Variants in FGF10 observed in about 807,000 individuals in gnomAD.
FGF10 encodes the protein fibroblast growth factor 10, also known as FGF-10.
FGF10 carries 2 observed loss-of-function variants against 19.8 expected under a neutral mutation model. The ratio of observed to expected loss-of-function variants is 0.10; its 90% CI spans 0.04 to 0.32. The LOEUF is 0.32. Among genes scored for constraint, FGF10 ranks in the 10% least tolerant of loss-of-function variants. The pLI is 1.00. For synonymous variants in FGF10, 112 were observed against 94.0 expected (o/e 1.19, Z -1.10); for missense variants, 191 against 246.3 (o/e 0.78, Z 1.50).
chr5:44,358,872 A>G (rs1741411510), intron 1 of FGF10, among the ~76,000 whole-genome samples: 3 of 151,704 alleles, frequency 2.0e-5, no homozygotes, highest in Admixed American at 1.3e-4. Flanking sequence ...TAAAATTGAT[A>G]CATCTACTTT....
chr5:44,388,605 CA>C lies in FGF10; in HGVS notation c.77del (p.Leu26CysfsTer88). On this transcript the variant is annotated frameshift_variant, in exon 1 of 3. Coordinates refer to ENST00000264664, the MANE Select transcript of FGF10 (RefSeq NM_004465.2). LOFTEE classifies it high-confidence loss of function. ...LPGCCCCCFL[L>X]LFLVSSVPVT... The stretch of plus-strand genomic sequence containing the variant: ...CAGGGACGGAAGACACCAAGAACAG[CA>C]ACAAAAAGCAGCAGCAGCAGCAGCC... 6.2e-7 allele frequency: 1 copy of C among 1,614,064 alleles called. No homozygotes were observed. Among genetic ancestry groups the C allele is most frequent in the Non-Finnish European group, 8.5e-7 (1 of 1,180,006 alleles).
At chr5:44,310,285 G>T (rs892313204) in intron 2 of FGF10, 142 bp downstream of exon 2, 4 of 664,750 alleles carry the variant, frequency 6.0e-6, no homozygotes, top group Middle Eastern at 2.5e-4. Context: ...GCCAGCCCTT[G>T]AAACAGTGGT....
chr5:44,300,536 C>A lies in FGF10; in HGVS notation c.*4459G>T, dbSNP rs1224099416. Among the ~76,000 whole-genome samples the A allele has an allele frequency of 6.6e-6, 1 of 152,072 alleles. No homozygotes were observed. Among genetic ancestry groups the A allele is most frequent in the East Asian group, 1.9e-4 (1 of 5,196 alleles). ...ACAAAACAATGCAAATGTAATCTTT[C>A]AATGGTAAAGAACATATGAAAGAGA... On this transcript the variant is annotated 3_prime_UTR_variant, in exon 3 of 3. Transcript: ENST00000264664.
intron 1 of FGF10, among the ~76,000 whole-genome samples, chr5:44,383,781 T>C (rs1020620438): frequency 1.3e-5 from 2 of 152,086 alleles, no homozygotes; most frequent in Non-Finnish European, 2.9e-5. Context: ...CTGCCGGTTA[T>C]AAATTATGCA....
chr5:44,324,350 C>T (rs1250661197), intron 1 of FGF10, among the ~76,000 whole-genome samples: 1 of 152,082 alleles, frequency 6.6e-6, no homozygotes, highest in Non-Finnish European at 1.5e-5. Flanking sequence ...CTTTCCTCGT[C>T]AAATTTTATC....
rs538553122 is a variant in FGF10 at position 44,372,034 on chromosome 5, C to T, written c.325+16324G>A. On this transcript the variant is annotated intron_variant, in intron 1 of 2. Transcript: ENST00000264664. ...GATTCCTGTATTACTTTTCTAGGGC[C>T]GATATAACAAATTACTACAAAGTTG... 7.7e-4 allele frequency among the ~76,000 whole-genome samples: 117 copies of T among 152,106 alleles called. 1 individual carries two copies. Among genetic ancestry groups the T allele is most frequent in the African/African-American group, 2.7e-3 (114 of 41,488 alleles).
chr5:44,366,005 T>C (rs962571314), intron 1 of FGF10, among the ~76,000 whole-genome samples: 2 of 151,932 alleles, frequency 1.3e-5, no homozygotes, highest in African/African-American at 2.4e-5. Context: ...ATTGGTGTTA[T>C]ATGAATCACC....
chr5:44,380,631 G>T (rs965055784), intron 1 of FGF10, among the ~76,000 whole-genome samples: 3 of 152,132 alleles, frequency 2.0e-5, no homozygotes, highest in Non-Finnish European at 4.4e-5. Context: ...GAATATCAAA[G>T]ACCTCCAAAT....
intron 1 of FGF10, among the ~76,000 whole-genome samples, chr5:44,370,602 G>A (rs1741721087): frequency 6.6e-6 from 1 of 152,062 alleles, no homozygotes; most frequent in Non-Finnish European, 1.5e-5. Flanking sequence ...AAAGAAGTAA[G>A]CTCCATAACA....
At position 44,302,286 on chromosome 5, in the gene FGF10, C is replaced by CCTTCCTTCCTTCCTTCCTTCCTTCCTTG. The variant is rs1739982313; in HGVS notation, c.*2708_*2709insCAAGGAAGGAAGGAAGGAAGGAAGGAAG. Among the ~76,000 whole-genome samples the CCTTCCTTCCTTCCTTCCTTCCTTCCTTG allele has an allele frequency of 2.8e-5, 1 of 36,290 alleles. No homozygotes were observed. Among genetic ancestry groups the CCTTCCTTCCTTCCTTCCTTCCTTCCTTG allele is most frequent in the South Asian group, 8.5e-4 (1 of 1,182 alleles). 23.8% of individuals were successfully genotyped at this position (36,290 alleles called of 152,430 possible). On this transcript the variant is annotated 3_prime_UTR_variant, in exon 3 of 3. Transcript: ENST00000264664. ...TCCTTCCTTCCTTCTTTCCTTGCTT[C>CCTTCCTTCCTTCCTTCCTTCCTTCCTTG]CTTCCTTCCTTCCTTCCTTCCTTCC...
intron 1 of FGF10, among the ~76,000 whole-genome samples, chr5:44,319,772 A>G (rs950781511): frequency 6.6e-6 from 1 of 152,202 alleles, no homozygotes; most frequent in Non-Finnish European, 1.5e-5. Context: ...CAATTTATCT[A>G]TTTATGTATA....
chr5:44,342,952 T>C (rs1741001940), intron 1 of FGF10, among the ~76,000 whole-genome samples: 1 of 151,886 alleles, frequency 6.6e-6, no homozygotes, highest in African/African-American at 2.4e-5. Flanking sequence ...ATTAGTTATA[T>C]AATAATTTCC....
At chr5:44,344,568 C>CTGTGTGTGCGTGTGTGTGTG (rs1554037822) in intron 1 of FGF10, among the ~76,000 whole-genome samples, 1 of 126,790 alleles carries the variant, frequency 7.9e-6, no homozygotes, top group Non-Finnish European at 1.6e-5. Context: ...TTTGTTTTCT[C>CTGTGTGTGCGTGTGTGTGTG]TGTGTGTGTG....
At chr5:44,355,831 A>G (rs2111837998) in intron 1 of FGF10, among the ~76,000 whole-genome samples, 1 of 151,562 alleles carries the variant, frequency 6.6e-6, no homozygotes, top group East Asian at 2.0e-4. Context: ...AAATAAATTC[A>G]GATAAATTAT....
At chr5:44,333,779 A>G (rs573899998) in intron 1 of FGF10, among the ~76,000 whole-genome samples, 1 of 152,208 alleles carries the variant, frequency 6.6e-6, no homozygotes, top group Admixed American at 6.6e-5. Flanking sequence ...AGTGCAATGG[A>G]AGGAGATAAT....
chr5:44,340,633 C>G (rs1477034112), intron 1 of FGF10, among the ~76,000 whole-genome samples: 2 of 151,930 alleles, frequency 1.3e-5, no homozygotes, highest in East Asian at 3.9e-4. Flanking sequence ...TTGGTTTTCA[C>G]TTTAGGACAG....
In FGF10 at chr5:44,301,042, C is replaced by T. The variant is rs1007602673; in HGVS notation, c.*3953G>A. Among the ~76,000 whole-genome samples the T allele has an allele frequency of 3.9e-5, 6 of 151,990 alleles. No individual in the cohort carries two copies. The highest frequency in any genetic ancestry group is 1.4e-4 in the African/African-American group (6 of 41,396). The stretch of plus-strand genomic sequence containing the variant: ...GAATGTCTGAGAAGAAGCAGATCTT[C>T]GTTACTTCATTTCTAAGTACTCATA... On this transcript the variant is annotated 3_prime_UTR_variant, in exon 3 of 3. Coordinates refer to ENST00000264664, the MANE Select transcript of FGF10 (RefSeq NM_004465.2).
In FGF10 at chr5:44,372,764, A is replaced by T. The variant is rs1302456606; in HGVS notation, c.325+15594T>A. Among the ~76,000 whole-genome samples, 4 of 152,312 alleles carry T rather than the reference A, an allele frequency of 2.6e-5. No individual in the cohort carries two copies. In the East Asian group the frequency reaches 7.8e-4, roughly 30 times the overall value. On this transcript the variant is annotated intron_variant, in intron 1 of 2. Coordinates refer to ENST00000264664, the MANE Select transcript of FGF10 (RefSeq NM_004465.2). ...TAGTATAACAGTTATAAACATTCTT[A>T]TTCCAAAAGGAGAAAAATGTAAAGA...
chr5:44,355,577 CTCAT>C (rs1741327993), intron 1 of FGF10, among the ~76,000 whole-genome samples: 1 of 151,250 alleles, frequency 6.6e-6, no homozygotes, highest in Non-Finnish European at 1.5e-5. Context: ...ACGTTTCAGA[CTCAT>C]AGTGCAAAAC....
Sources: gnomAD v4.1 joint callset for allele counts (sites outside exome capture counted in the v4.1 genomes callset) on GRCh38, gnomAD v4.1.1 for gene constraint, MANE v1.5 for transcripts, NCBI Gene and HGNC (gene_info 2026-07-23, HGNC 2026-07-21) for gene names.